GSTK1: variants seen among roughly 807,000 people sequenced by gnomAD.
GSTK1 encodes GST class-kappa.
In GSTK1, 25 loss-of-function variants were observed where a neutral mutation model predicts 30.9. The ratio of observed to expected loss-of-function variants is 0.81; its 90% CI spans 0.59 to 1.13. The LOEUF (loss-of-function observed/expected upper bound fraction) is 1.13. Among genes scored for constraint, GSTK1 ranks in the 50% most tolerant of loss-of-function variants. The pLI, the probability that GSTK1 is intolerant of heterozygous loss-of-function variation, is 0.00. For synonymous variants in GSTK1, 108 were observed against 112.5 expected (o/e 0.96, Z 0.25); for missense variants, 292 against 292.4 (o/e 1.00, Z 0.01).
intron 5 of GSTK1, among the ~76,000 whole-genome samples, chr7:143,265,843 C>A (rs368481229): frequency 2.5e-4 from 38 of 151,966 alleles, no homozygotes; most frequent in East Asian, 2.3e-3. Context: ...CAGTATTATT[C>A]CTCTGGTTTA....
chr7:143,265,411 G>T, intron 5 of GSTK1, 115 bp downstream of exon 5: 1 of 932,830 alleles, frequency 1.1e-6, no homozygotes, highest in Non-Finnish European at 1.6e-6. Flanking sequence ...ATAATTACTG[G>T]GGAAGAAAGG....
In GSTK1 at chr7:143,265,063, C is replaced by T. The variant is rs538829875; in HGVS notation, c.355C>T (p.Arg119Trp). Residue 119 changes from arginine (R) to tryptophan (W), a missense_variant, in exon 4 of 8, where the codon CGG becomes TGG. Transcript: ENST00000358406. Reference protein sequence around the residue: ...EHPEMLEKASRELWMRVWSRN... With the variant: ...EHPEMLEKASWELWMRVWSRN... The stretch of plus-strand genomic sequence containing the variant: ...TCCAGAGATGCTGGAGAAAGCGTCC[C>T]GGGAGCTGTGGATGCGCGTCTGGTC... The T allele has an allele frequency of 5.0e-6, 8 of 1,614,144 alleles. No individual in the cohort carries two copies. In the African/African-American group the frequency reaches 8.0e-5, roughly 16 times the overall value.
Position 143,268,731 on chromosome 7 carries a change from T to C in GSTK1, c.632-57T>C. ...ACCCCTGGGACCTTGTGGGACCAAC[T>C]CCTGCTGCCAGAACACCTGAGAACA... On this transcript the variant is annotated intron_variant, in intron 7 of 7. Transcript: ENST00000358406. The surrounding 1 kb of genome is among the most constrained non-coding windows in gnomAD (Gnocchi z 4.1). The C allele has an allele frequency of 6.5e-7, 1 of 1,537,944 alleles. No homozygotes were observed. The highest frequency in any genetic ancestry group is 1.7e-5 in the Admixed American group (1 of 59,890).
Position 143,264,183 on chromosome 7 carries a change from C to A in GSTK1, c.154+16C>A. On this transcript the variant is annotated intron_variant, in intron 2 of 7. Coordinates refer to ENST00000358406, the MANE Select transcript of GSTK1 (RefSeq NM_015917.3). ...AAAGACAGTGGTAGGAAGGGAGGGT[C>A]GGGGCAGGGGTGATCTCAGTGGCCC... is the stretch of plus-strand genomic sequence containing the variant. The A allele has an allele frequency of 6.2e-7, 1 of 1,607,218 alleles. No individual in the cohort carries two copies. Among genetic ancestry groups the A allele is most frequent in the South Asian group, 1.1e-5 (1 of 90,864 alleles).
Position 143,263,456 on chromosome 7 carries a change from T to C in GSTK1, c.-58T>C, listed in dbSNP as rs1406404230. On this transcript the variant is annotated 5_prime_UTR_variant, in exon 1 of 8. Coordinates refer to ENST00000358406, the MANE Select transcript of GSTK1 (RefSeq NM_015917.3). ...AGGCAGGCCCAGAAGCTGGGCAGCC[T>C]CTGCCGGGTTCCGGGAAAAGGAGCT... is the stretch of plus-strand genomic sequence containing the variant. 1 of 1,517,240 alleles carries C rather than the reference T, an allele frequency of 6.6e-7. No homozygotes were observed. Among genetic ancestry groups the C allele is most frequent in the Non-Finnish European group, 9.1e-7 (1 of 1,100,628 alleles). The allele number at this position is 1,517,240 out of a possible 1,614,324, so 94.0% of individuals were successfully genotyped here.
chr7:143,266,171 C>G (rs897812684), intron 5 of GSTK1, among the ~76,000 whole-genome samples: 1 of 151,846 alleles, frequency 6.6e-6, no homozygotes, highest in Non-Finnish European at 1.5e-5. Flanking sequence ...GCTGGGACTA[C>G]AGGCACACAC....
chr7:143,265,315 C>T lies in GSTK1; in HGVS notation c.420+19C>T, dbSNP rs1242568852. Reference sequence around the variant, plus strand: ...CCTGGCGGTGAGTGTCCTGGCTCCACCCCAACTGCACTCATAGAGAATCTG... The same window carrying T: ...CCTGGCGGTGAGTGTCCTGGCTCCATCCCAACTGCACTCATAGAGAATCTG... On this transcript the variant is annotated intron_variant, in intron 5 of 7. Transcript: ENST00000358406. The T allele has an allele frequency of 6.3e-7, 1 of 1,584,716 alleles. No homozygotes were observed. The highest frequency in any genetic ancestry group is 2.3e-5 in the East Asian group (1 of 43,804).
In GSTK1 at chr7:143,267,601, T is replaced by C. The variant is rs1390538318; in HGVS notation, c.421-16T>C. On this transcript the variant is annotated splice_polypyrimidine_tract_variant and intron_variant, in intron 5 of 7. Coordinates refer to ENST00000358406, the MANE Select transcript of GSTK1 (RefSeq NM_015917.3). ...ATCATGCAGACACAGTTGTATTCCCTACTATATTCCCTTAGGCTGCAGAGA... is the reference window on the plus strand; with the variant it reads ...ATCATGCAGACACAGTTGTATTCCCCACTATATTCCCTTAGGCTGCAGAGA... 1.3e-6 allele frequency: 2 copies of C among 1,568,178 alleles called. No individual in the cohort carries two copies. The highest frequency in any genetic ancestry group is 2.7e-5 in the African/African-American group (2 of 73,994).
chr7:143,268,225 GC>G lies in GSTK1; in HGVS notation c.631+42del. The G allele has an allele frequency of 6.7e-7, 1 of 1,491,980 alleles. No homozygotes were observed. The highest frequency in any genetic ancestry group is 1.4e-5 in the African/African-American group (1 of 72,628). The allele number at this position is 1,491,980 out of a possible 1,614,324, so 92.4% of individuals were successfully genotyped here. On this transcript the variant is annotated intron_variant, in intron 7 of 7. Coordinates refer to ENST00000358406, the MANE Select transcript of GSTK1 (RefSeq NM_015917.3). The surrounding 1 kb of genome is among the most constrained non-coding windows in gnomAD (Gnocchi z 4.1). ...AATCAACCCTGAGCCAGGTGCAGTG[GC>G]TCACGCCTGTAATCCCAGCACTTTG...
Position 143,265,301 on chromosome 7 carries a change from G to A in GSTK1, c.420+5G>A, listed in dbSNP as rs922412350. ...GAGCCGCAGAGCATCCTGGCGGTGA[G>A]TGTCCTGGCTCCACCCCAACTGCAC... On this transcript the variant is annotated splice_donor_5th_base_variant and intron_variant, in intron 5 of 7. Transcript: ENST00000358406. 5 of 1,596,228 alleles carry A rather than the reference G, an allele frequency of 3.1e-6. No homozygotes were observed. In the African/African-American group the frequency reaches 4.0e-5, roughly 13 times the overall value.
intron 4 of GSTK1, 45 bp from the exon 5 acceptor site, chr7:143,265,216 C>A (rs746976978): frequency 2.5e-6 from 4 of 1,605,524 alleles, no homozygotes; most frequent in Admixed American, 1.7e-5. Context: ...CCCAGTCACA[C>A]CCCTCTCCCC....
chr7:143,266,084 G>A (rs1800871610), intron 5 of GSTK1, among the ~76,000 whole-genome samples: 1 of 139,026 alleles, frequency 7.2e-6, no homozygotes, highest in Non-Finnish European at 1.5e-5. Context: ...AGGCTGGAGT[G>A]CAGTGGTGTG....
In GSTK1 at chr7:143,268,015, C is replaced by A; in HGVS notation, c.538-76C>A. 2 of 1,126,150 alleles carry A rather than the reference C, an allele frequency of 1.8e-6. No individual in the cohort carries two copies. Among genetic ancestry groups the A allele is most frequent in the Non-Finnish European group, 2.6e-6 (2 of 767,134 alleles). 69.8% of individuals were successfully genotyped at this position (1,126,150 alleles called of 1,614,324 possible). A position where few individuals can be genotyped will look rare whatever the true frequency, so the allele number is the denominator to read the frequency against. ...TTGCTTCTGTGAACTCAGAAAAGTA[C>A]TGACTCAAAGGTTTCAACCCCTGCC... On this transcript the variant is annotated intron_variant, in intron 6 of 7. Coordinates refer to ENST00000358406, the MANE Select transcript of GSTK1 (RefSeq NM_015917.3). This position sits in a 1 kb window ranked among gnomAD's most constrained non-coding sequence, Gnocchi z 4.1.
Position 143,264,132 on chromosome 7 carries a change from G to C in GSTK1, c.119G>C (p.Arg40Pro), listed in dbSNP as rs1423783041. The C allele has an allele frequency of 1.1e-5, 17 of 1,613,900 alleles. No homozygotes were observed. The highest frequency in any genetic ancestry group is 1.7e-5 in the Admixed American group (1 of 59,982). The change falls in exon 2 of 8, where the codon CGG becomes CCG. Residue 40 changes from arginine (R) to proline (P), a missense_variant. Coordinates refer to ENST00000358406, the MANE Select transcript of GSTK1 (RefSeq NM_015917.3). The stretch of plus-strand genomic sequence containing the variant: ...ATCTGGAACATCAACCTGCAGTTGC[G>C]GCCCAGCCTCATAACAGGGATCATG... ...QNIWNINLQL[R>P]PSLITGIMKD... is the part of the protein sequence containing the mutation.
intron 5 of GSTK1, among the ~76,000 whole-genome samples, chr7:143,265,923 A>G (rs1800862827): frequency 6.6e-6 from 1 of 152,042 alleles, no homozygotes; most frequent in Non-Finnish European, 1.5e-5. Context: ...AGTTAAACGT[A>G]TAAGGAATGG....
At chr7:143,264,304 G>A in intron 2 of GSTK1, 137 bp downstream of exon 2, 1 of 830,342 alleles carries the variant, frequency 1.2e-6, no homozygotes, top group Non-Finnish European at 2.0e-6. Context: ...TTAGCCGGGC[G>A]TGGTAGTGCA....
Position 143,268,251 on chromosome 7 carries a change from G to A in GSTK1, c.631+67G>A. 8.2e-7 allele frequency: 1 copy of A among 1,217,858 alleles called. No homozygotes were observed. Among genetic ancestry groups the A allele is most frequent in the Admixed American group, 1.9e-5 (1 of 54,052 alleles). 75.4% of individuals were successfully genotyped at this position (1,217,858 alleles called of 1,614,324 possible). ...CTCACGCCTGTAATCCCAGCACTTT[G>A]GTAGGCTGAGGCGAGCAGAGCACGA... On this transcript the variant is annotated intron_variant, in intron 7 of 7. Coordinates refer to ENST00000358406, the MANE Select transcript of GSTK1 (RefSeq NM_015917.3). This position sits in a 1 kb window ranked among gnomAD's most constrained non-coding sequence, Gnocchi z 4.1.
intron 5 of GSTK1, among the ~76,000 whole-genome samples, chr7:143,266,231 G>A (rs1018084900): frequency 6.6e-6 from 1 of 151,584 alleles, no homozygotes; most frequent in African/African-American, 2.4e-5. Context: ...GGGTTTCACT[G>A]TGTTGCCCAG....
intron 4 of GSTK1, 57 bp from the exon 5 acceptor site, chr7:143,265,204 C>A (rs1268154449): frequency 6.2e-7 from 1 of 1,606,524 alleles, no homozygotes; most frequent in East Asian, 2.3e-5. Context: ...ATCTACTGTC[C>A]TCCCAGTCAC....
Sources: allele counts gnomAD v4.1 joint callset (sites outside exome capture counted in the v4.1 genomes callset), GRCh38; gene constraint gnomAD v4.1.1; non-coding constraint Gnocchi (gnomAD v3.1); transcripts MANE v1.5; gene names NCBI Gene and HGNC (gene_info 2026-07-23, HGNC 2026-07-21).